Variants in ODF2 observed in about 807,000 individuals in gnomAD.
ODF2 encodes outer dense fiber protein 2.
Under a neutral mutation model 110.2 loss-of-function variants are expected in ODF2, and 47 were observed. That is an observed-to-expected ratio of 0.43 (90% CI 0.34 to 0.54). The LOEUF is 0.54. Among genes scored for constraint, ODF2 ranks in the 20% least tolerant of loss-of-function variants. The pLI is 0.03. For synonymous variants in ODF2, 352 were observed against 397.7 expected (o/e 0.89, Z 1.37); for missense variants, 812 against 1,054.5 (o/e 0.77, Z 3.19).
chr9:128,459,678 G>A (rs1238175128), intron 3 of ODF2, 21 bp downstream of exon 2: 12 of 1,583,858 alleles, frequency 7.6e-6, no homozygotes, highest in African/African-American at 1.3e-5. Context: ...CACTCACGTA[G>A]CAGCCCTCTT....
chr9:128,474,585 C>T (rs1352063782), intron 8 of ODF2, among the ~76,000 whole-genome samples: 1 of 151,232 alleles, frequency 6.6e-6, no homozygotes, highest in Non-Finnish European at 1.5e-5. Flanking sequence ...TGTTTGAACC[C>T]AGGAGGCAGA....
intron 3 of ODF2, chr9:128,460,112 C>A: frequency 7.8e-7 from 1 of 1,290,316 alleles, no homozygotes; most frequent in African/African-American, 1.5e-5. Context: ...ATTTATTCTG[C>A]ACCCTGAGCA....
intron 9 of ODF2, 151 bp from the exon 10 acceptor site, chr9:128,482,665 T>C (rs188495249): frequency 9.3e-6 from 5 of 537,226 alleles, no homozygotes; most frequent in African/African-American, 3.9e-5. Flanking sequence ...TTAATGCATA[T>C]GTTAGGTGCT....
chr9:128,471,553 T>A, intron 6 of ODF2, 85 bp downstream of exon 6: 1 of 1,394,540 alleles, frequency 7.2e-7, no homozygotes, highest in Non-Finnish European at 9.9e-7. Context: ...GAAAGCAACG[T>A]AGGAGGTGGG....
intron 3 of ODF2, chr9:128,460,612 C>A (rs775511737): frequency 1.9e-6 from 3 of 1,614,062 alleles, no homozygotes; most frequent in Middle Eastern, 1.6e-4. Context: ...ATGAGAACAC[C>A]CCTGTCCACG....
chr9:128,460,769 C>G (rs1457100659), intron 3 of ODF2, 103 bp downstream of exon 3: 1 of 1,536,118 alleles, frequency 6.5e-7, no homozygotes, highest in Non-Finnish European at 8.9e-7. Flanking sequence ...GAGACAAACA[C>G]ACTCTTTCGG....
intron 18 of ODF2, chr9:128,497,446 AATATATATATATAT>A (rs71381765): frequency 4.5e-4 from 19 of 42,594 alleles, no homozygotes; most frequent in African/African-American, 2.2e-3. Context: ...AAAAAAAAAA[AATATATATATATAT>A]ATATATATAT....
At chr9:128,484,729 A>C (rs773252783) in exon 12 of ODF2, 93 of 1,587,866 alleles carry the variant, frequency 5.9e-5, no homozygotes, top group Non-Finnish European at 7.8e-5. Flanking sequence ...AATCAGCATA[A>C]GGCAGAAGTG....
intron 20 of ODF2, 50 bp downstream of exon 20, chr9:128,499,176 T>A: frequency 6.2e-7 from 1 of 1,608,482 alleles, no homozygotes. Context: ...CAGACCTAGC[T>A]TCTGTGGGGC....
chr9:128,495,977 G>C, intron 17 of ODF2, 64 bp from the exon 18 acceptor site: 2 of 1,592,082 alleles, frequency 1.3e-6, no homozygotes, highest in South Asian at 2.3e-5. Flanking sequence ...ACAGGTCATA[G>C]GGAAAGGGGA....
intron 8 of ODF2, among the ~76,000 whole-genome samples, chr9:128,480,794 G>A (rs935968830): frequency 1.3e-5 from 2 of 151,872 alleles, no homozygotes; most frequent in Non-Finnish European, 2.9e-5. Context: ...TCCAGCCTGG[G>A]GGACAAGAGC....
At chr9:128,499,992 G>T in intron 20 of ODF2, 75 bp from the exon 21 acceptor site, 1 of 1,542,236 alleles carries the variant, frequency 6.5e-7, no homozygotes, top group South Asian at 1.2e-5. Flanking sequence ...CAACTCCTAA[G>T]AAAGTCCCTA....
intron 1 of ODF2, chr9:128,456,881 A>G (rs1037116020): frequency 1.6e-5 from 21 of 1,278,876 alleles, no homozygotes; most frequent in Non-Finnish European, 2.1e-5. Flanking sequence ...TCCTTTAAAC[A>G]CTATTGGTCC....
Position 128,494,463 on chromosome 9 carries a change from C to T in ODF2, c.1753-47C>T. 6.3e-7 allele frequency: 1 copy of T among 1,588,396 alleles called. No homozygotes were observed. Among genetic ancestry groups the T allele is most frequent in the Non-Finnish European group, 8.6e-7 (1 of 1,157,368 alleles). ...GGCTCCACTAGGAGCCAGGTCTTTCCTAACTGTGGGTCTTTCCTTCCTGTG... is the reference window on the plus strand; with the variant it reads ...GGCTCCACTAGGAGCCAGGTCTTTCTTAACTGTGGGTCTTTCCTTCCTGTG... On this transcript the variant is annotated intron_variant, in intron 16 of 20. Transcript: ENST00000604420. This position sits in a 1 kb window ranked among gnomAD's most constrained non-coding sequence, Gnocchi z 4.6.
At chr9:128,481,345 T>C (rs2131972108) in intron 8 of ODF2, among the ~76,000 whole-genome samples, 1 of 152,014 alleles carries the variant, frequency 6.6e-6, no homozygotes, top group Admixed American at 6.6e-5. Flanking sequence ...GGCATGGTAG[T>C]GCATGCTTGT....
chr9:128,472,153 G>A (rs557522336), intron 6 of ODF2, among the ~76,000 whole-genome samples: 4 of 152,024 alleles, frequency 2.6e-5, no homozygotes, highest in East Asian at 1.9e-4. Context: ...CGCGGCGGGC[G>A]CCTATAATCC....
chr9:128,472,172 C>T (rs1840185282), intron 6 of ODF2, among the ~76,000 whole-genome samples: 1 of 152,126 alleles, frequency 6.6e-6, no homozygotes, highest in Non-Finnish European at 1.5e-5. Context: ...CCTAGCTACT[C>T]TGGAGGCTGA....
rs2132343676 is a variant in ODF2, at chr9:128,498,865, A to G, written c.2176-136A>G. 4 of 1,211,388 alleles carry G rather than the reference A, an allele frequency of 3.3e-6. No homozygotes were observed. In the South Asian group the frequency reaches 5.8e-5, roughly 17 times the overall value. The allele number at this position is 1,211,388 out of a possible 1,614,324, so 75.0% of individuals were successfully genotyped here. A position where few individuals can be genotyped will look rare whatever the true frequency, so the allele number is the denominator to read the frequency against. On this transcript the variant is annotated intron_variant, in intron 19 of 20. Transcript: ENST00000604420. ...AGTCCCCATAGTTAGTTCCTGCCCC[A>G]GCGTTCTAGAGAACACAGTCCACAA...
At chr9:128,484,087 A>C (rs746721374) in intron 11 of ODF2, 33 bp downstream of exon 11, 4 of 1,495,344 alleles carry the variant, frequency 2.7e-6, no homozygotes, top group African/African-American at 2.7e-5. Flanking sequence ...GGGAAAGAGG[A>C]GGCAAGGGCC....
Sources: gnomAD v4.1 joint callset for allele counts (sites outside exome capture counted in the v4.1 genomes callset) on GRCh38, gnomAD v4.1.1 for gene constraint, Gnocchi (gnomAD v3.1) non-coding constraint, MANE v1.5 for transcripts, NCBI Gene and HGNC (gene_info 2026-07-23, HGNC 2026-07-21) for gene names.